The following CTNNA3 variants were observed in gnomAD, a reference collection of about 807,000 sequenced individuals.
CTNNA3 encodes the protein catenin alpha-3.
A neutral mutation model predicts 95.7 loss-of-function variants in CTNNA3; 76 were observed. The ratio of observed to expected loss-of-function variants is 0.79; its 90% CI spans 0.66 to 0.96. The LOEUF (loss-of-function observed/expected upper bound fraction) is 0.96, where lower values mean the gene tolerates loss of function less well. Among genes scored for constraint, CTNNA3 ranks in the 40% least tolerant of loss-of-function variants. The pLI, the probability that CTNNA3 is intolerant of heterozygous loss-of-function variation, is 0.00. For missense variants in CTNNA3, 1,191 were observed against 1,089.8 expected (o/e 1.09, Z -1.31); for synonymous variants, 431 against 374.4 (o/e 1.15, Z -1.74).
In CTNNA3 at chr10:65,929,088, A is replaced by G. The variant is rs1208689403; in HGVS notation, c.2401-8471T>C. The stretch of plus-strand genomic sequence containing the variant: ...CCCCTTCCTGTGTCCATGTGTTCTC[A>G]TTGTTCAATTCTCTCCTATGAGTGA... On this transcript the variant is annotated intron_variant, in intron 17 of 17. Transcript: ENST00000433211. Among the ~76,000 whole-genome samples, 3 of 138,752 alleles carry G rather than the reference A, an allele frequency of 2.2e-5. No individual in the cohort carries two copies. The Admixed American group carries it at 2.4e-4, about 11-fold the overall frequency. 91.0% of individuals were successfully genotyped at this position (138,752 alleles called of 152,430 possible). A position where few individuals can be genotyped will look rare whatever the true frequency, so the allele number is the denominator to read the frequency against.
At chr10:67,086,365 G>A (rs980069297) in intron 7 of CTNNA3, among the ~76,000 whole-genome samples, 50 of 151,956 alleles carry the variant, frequency 3.3e-4, no homozygotes, top group African/African-American at 1.1e-3. Flanking sequence ...ACTTCATTTA[G>A]TTGGGAGATA....
intron 11 of CTNNA3, among the ~76,000 whole-genome samples, chr10:66,458,640 T>C (rs190608128): frequency 6.6e-6 from 1 of 152,310 alleles, no homozygotes; most frequent in Non-Finnish European, 1.5e-5. Flanking sequence ...TCTACGGATT[T>C]AACTATTCTA....
chr10:67,035,073 C>G (rs905271878), intron 7 of CTNNA3, among the ~76,000 whole-genome samples: 1 of 152,182 alleles, frequency 6.6e-6, no homozygotes, highest in East Asian at 1.9e-4. Flanking sequence ...ACTGATAGCT[C>G]CGCATAGCCC....
chr10:66,606,632 C>A (rs1207421105), intron 10 of CTNNA3, among the ~76,000 whole-genome samples: 3 of 151,862 alleles, frequency 2.0e-5, no homozygotes, highest in Non-Finnish European at 2.9e-5. Context: ...ACCATATAAT[C>A]CATGGAAATT....
At chr10:66,038,894 G>C (rs2079622496) in intron 15 of CTNNA3, among the ~76,000 whole-genome samples, 1 of 152,158 alleles carries the variant, frequency 6.6e-6, no homozygotes, top group Admixed American at 6.5e-5. Context: ...ATCTTAGTCA[G>C]AGCTATCAGG....
intron 7 of CTNNA3, among the ~76,000 whole-genome samples, chr10:66,816,146 T>G (rs2132277247): frequency 6.6e-6 from 1 of 152,334 alleles, no homozygotes; most frequent in Admixed American, 6.5e-5. Context: ...CATAATTTAA[T>G]GTGTTAATTG....
At chr10:66,864,820 C>T (rs1327659434) in intron 7 of CTNNA3, among the ~76,000 whole-genome samples, 2 of 151,918 alleles carry the variant, frequency 1.3e-5, no homozygotes, top group Non-Finnish European at 2.9e-5. Flanking sequence ...AATAGCTTCC[C>T]AATATACATA....
intron 5 of CTNNA3, among the ~76,000 whole-genome samples, chr10:67,390,069 G>T (rs147652238): frequency 0.025 from 3,768 of 152,040 alleles, 164 homozygotes; most frequent in African/African-American, 0.085. Flanking sequence ...AGAGCAGAAC[G>T]GAAGGAAATA....
At chr10:66,403,963 C>CA (rs1374527742) in intron 11 of CTNNA3, among the ~76,000 whole-genome samples, 1 of 152,138 alleles carries the variant, frequency 6.6e-6, no homozygotes, top group African/African-American at 2.4e-5. Flanking sequence ...TGAGAGGCCA[C>CA]AAGATAGATG....
chr10:67,472,007 T>C (rs1847846558), intron 5 of CTNNA3, among the ~76,000 whole-genome samples: 1 of 152,190 alleles, frequency 6.6e-6, no homozygotes, highest in Non-Finnish European at 1.5e-5. Flanking sequence ...AATCAAATCG[T>C]ACCAAAAATT....
At chr10:66,691,128 A>G (rs1847516639) in intron 9 of CTNNA3, among the ~76,000 whole-genome samples, 1 of 152,168 alleles carries the variant, frequency 6.6e-6, no homozygotes, top group Non-Finnish European at 1.5e-5. Flanking sequence ...GGTGCAGTGC[A>G]CCGTGCATGA....
chr10:66,401,753 G>A (rs75334971), intron 11 of CTNNA3, among the ~76,000 whole-genome samples: 22,006 of 148,832 alleles, frequency 0.15, 2,209 homozygotes, highest in East Asian at 0.45. Context: ...CCGTCTCCCA[G>A]GTTCAAGTGA....
intron 12 of CTNNA3, among the ~76,000 whole-genome samples, chr10:66,282,060 G>C (rs1202324488): frequency 6.6e-6 from 1 of 151,826 alleles, no homozygotes; most frequent in Non-Finnish European, 1.5e-5. Flanking sequence ...CATGTGACTA[G>C]TGATTACCAT....
At chr10:66,782,937 T>A (rs1840599312) in intron 7 of CTNNA3, among the ~76,000 whole-genome samples, 1 of 152,118 alleles carries the variant, frequency 6.6e-6, no homozygotes, top group African/African-American at 2.4e-5. Context: ...GCTCTCTGGT[T>A]GACCTTAACT....
chr10:66,929,936 A>C lies in CTNNA3; in HGVS notation c.1048-154412T>G, dbSNP rs1286330261. ...TATAGAAGCAAATATCAGGAACTGC[A>C]ACATTGAGGCTGTTTCATTTAATTT... On this transcript the variant is annotated intron_variant, in intron 7 of 17. Coordinates refer to ENST00000433211, the MANE Select transcript of CTNNA3 (RefSeq NM_013266.4). Among the ~76,000 whole-genome samples, 4 of 152,216 alleles carry C rather than the reference A, an allele frequency of 2.6e-5. No homozygotes were observed. In the East Asian group the frequency reaches 7.7e-4, roughly 29 times the overall value.
At chr10:67,079,596 TC>T (rs1429850518) in intron 7 of CTNNA3, among the ~76,000 whole-genome samples, 2 of 152,084 alleles carry the variant, frequency 1.3e-5, no homozygotes, top group Non-Finnish European at 2.9e-5. Context: ...ATGCCTGTAA[TC>T]CCAGCATGTT....
At chr10:66,783,181 C>T (rs753884641) in intron 7 of CTNNA3, among the ~76,000 whole-genome samples, 3 of 152,094 alleles carry the variant, frequency 2.0e-5, no homozygotes, top group Non-Finnish European at 4.4e-5. Flanking sequence ...GAATTTTAAC[C>T]GATATTCACC....
chr10:67,068,648 G>C (rs182058210), intron 7 of CTNNA3, among the ~76,000 whole-genome samples: 7 of 152,316 alleles, frequency 4.6e-5, no homozygotes, highest in Admixed American at 1.3e-4. Flanking sequence ...CATCAGAAAA[G>C]CTGAGGGGAG....
chr10:66,950,262 C>CT (rs776998388), intron 7 of CTNNA3, among the ~76,000 whole-genome samples: 47 of 152,024 alleles, frequency 3.1e-4, no homozygotes, highest in Non-Finnish European at 5.7e-4. Flanking sequence ...TATTATTTTA[C>CT]TTCTATAGCC....
Sources: gnomAD v4.1 joint callset for allele counts (sites outside exome capture counted in the v4.1 genomes callset) on GRCh38, gnomAD v4.1.1 for gene constraint, MANE v1.5 for transcripts, NCBI Gene and HGNC (gene_info 2026-07-23, HGNC 2026-07-21) for gene names.